The following CNTN5 variants were observed in gnomAD, a reference collection of about 807,000 sequenced individuals.
CNTN5 encodes the protein contactin 5, also known as contactin-5.
CNTN5 carries 77 observed loss-of-function variants against 129.1 expected under a neutral mutation model. That is an observed-to-expected ratio of 0.60 (90% CI 0.50 to 0.72). CNTN5 has a LOEUF of 0.72. Ranked by LOEUF, CNTN5 falls within the 30% of genes least tolerant of loss-of-function variation. The probability of loss-of-function intolerance (pLI) is 0.00; values close to 1 mark genes in which losing one functional copy is unlikely to be tolerated. For missense variants in CNTN5, 1,478 were observed against 1,328.8 expected, an observed-to-expected ratio of 1.11 and a Z score of -1.75; for synonymous variants, 509 against 465.6, an observed-to-expected ratio of 1.09 and a Z score of -1.20.
rs575028848 is a variant in CNTN5 at position 100,114,802 on chromosome 11, T to A, written c.1580+40508T>A. On this transcript the variant is annotated intron_variant, in intron 13 of 24. Coordinates refer to ENST00000524871, the MANE Select transcript of CNTN5 (RefSeq NM_014361.4). ...ATTCATTCATTCAACAAATAGATAA[T>A]GAGCACTTGCTGTGTACCAGTCACT... Among the ~76,000 whole-genome samples, 47 of 152,280 alleles carry A rather than the reference T, an allele frequency of 3.1e-4. No homozygotes were observed. In the South Asian group the frequency reaches 9.1e-3, roughly 30 times the overall value.
At chr11:99,613,720 T>C (rs2135738629) in intron 3 of CNTN5, among the ~76,000 whole-genome samples, 1 of 152,336 alleles carries the variant, frequency 6.6e-6, no homozygotes, top group South Asian at 2.1e-4. Flanking sequence ...AAAATAATGA[T>C]TCACCATTTT....
intron 3 of CNTN5, among the ~76,000 whole-genome samples, chr11:99,795,228 G>A (rs894779643): frequency 2.6e-5 from 4 of 152,166 alleles, no homozygotes; most frequent in African/African-American, 7.2e-5. Context: ...TAACACTTGT[G>A]ATTGTATTAT....
intron 9 of CNTN5, among the ~76,000 whole-genome samples, chr11:100,009,150 C>T (rs1228901279): frequency 6.6e-6 from 1 of 152,182 alleles, no homozygotes; most frequent in East Asian, 1.9e-4. Context: ...TACTAAAAAG[C>T]CATAAGCTGC....
chr11:100,039,328 C>G (rs924955737), intron 9 of CNTN5, among the ~76,000 whole-genome samples: 29 of 152,202 alleles, frequency 1.9e-4, no homozygotes, highest in Non-Finnish European at 1.5e-4. Context: ...GAGTTTCTGC[C>G]CAGAGATCAG....
At chr11:99,809,477 C>T (rs984772644) in intron 3 of CNTN5, among the ~76,000 whole-genome samples, 2 of 151,918 alleles carry the variant, frequency 1.3e-5, no homozygotes, top group East Asian at 1.9e-4. Flanking sequence ...AATTTTAAAT[C>T]CTATATTGCA....
At position 99,835,208 on chromosome 11, in the gene CNTN5, A is replaced by T. The variant is rs369821138; in HGVS notation, c.278-9644A>T. Reference sequence around the variant, plus strand: ...GATGCAGAAACTGATGATGACGCATATGTTCAAAAAGGGTATGAAGAGATT... The same window carrying T: ...GATGCAGAAACTGATGATGACGCATTTGTTCAAAAAGGGTATGAAGAGATT... On this transcript the variant is annotated intron_variant, in intron 4 of 24. Transcript: ENST00000524871. 9.2e-5 allele frequency among the ~76,000 whole-genome samples: 14 copies of T among 152,342 alleles called. 1 individual carries two copies. In the South Asian group the frequency reaches 2.9e-3, roughly 32 times the overall value.
At chr11:99,789,899 G>T (rs142615192) in intron 3 of CNTN5, among the ~76,000 whole-genome samples, 1 of 152,096 alleles carries the variant, frequency 6.6e-6, no homozygotes, top group Non-Finnish European at 1.5e-5. Context: ...CTACCCAATA[G>T]CTAGTTTTTC....
intron 2 of CNTN5, among the ~76,000 whole-genome samples, chr11:99,501,922 T>C (rs1946440844): frequency 6.6e-6 from 1 of 152,190 alleles, no homozygotes; most frequent in Non-Finnish European, 1.5e-5. Context: ...TTTTCCATCT[T>C]TTATTAGCGT....
At chr11:99,356,305 A>G (rs1468280088) in intron 2 of CNTN5, among the ~76,000 whole-genome samples, 2 of 152,180 alleles carry the variant, frequency 1.3e-5, no homozygotes, top group Non-Finnish European at 2.9e-5. Flanking sequence ...CAAACTAATC[A>G]TAAGAGTCAC....
At chr11:100,244,864 T>G (rs1026117594) in intron 16 of CNTN5, among the ~76,000 whole-genome samples, 3 of 152,194 alleles carry the variant, frequency 2.0e-5, no homozygotes, top group African/African-American at 7.2e-5. Flanking sequence ...TTGTCACTTT[T>G]AAATTCTAAT....
intron 6 of CNTN5, among the ~76,000 whole-genome samples, chr11:99,895,633 G>T (rs1040778051): frequency 1.3e-5 from 2 of 152,252 alleles, no homozygotes; most frequent in East Asian, 3.9e-4. Context: ...AGCTCCCTAA[G>T]TTGGGAAAGT....
intron 3 of CNTN5, among the ~76,000 whole-genome samples, chr11:99,793,152 C>T (rs554269815): frequency 1.2e-4 from 18 of 152,114 alleles, no homozygotes; most frequent in African/African-American, 4.1e-4. Flanking sequence ...CTCTTCCTCC[C>T]AGGTTCACGC....
At chr11:99,816,416 C>T (rs550823969) in intron 3 of CNTN5, among the ~76,000 whole-genome samples, 6 of 152,250 alleles carry the variant, frequency 3.9e-5, no homozygotes, top group Middle Eastern at 3.4e-3. Flanking sequence ...CATGAATGTC[C>T]TGGAGGCACC....
At chr11:99,201,240 G>T (rs1029137604) in intron 1 of CNTN5, among the ~76,000 whole-genome samples, 9 of 151,302 alleles carry the variant, frequency 5.9e-5, no homozygotes, top group Non-Finnish European at 1.2e-4. Context: ...TGGCCAGGCT[G>T]GTCTCAAGCT....
chr11:100,162,619 C>T (rs984439614), intron 13 of CNTN5, among the ~76,000 whole-genome samples: 1 of 151,714 alleles, frequency 6.6e-6, no homozygotes, highest in Admixed American at 6.6e-5. Context: ...AACTCATTCA[C>T]ACAACTAGAT....
intron 3 of CNTN5, among the ~76,000 whole-genome samples, chr11:99,638,725 A>G (rs528090134): frequency 9.1e-4 from 139 of 152,258 alleles, no homozygotes; most frequent in Middle Eastern, 3.4e-3. Context: ...CTTTGACTCC[A>G]TATCTCATAC....
chr11:99,559,327 G>T (rs1310102055), intron 3 of CNTN5, among the ~76,000 whole-genome samples: 1 of 151,978 alleles, frequency 6.6e-6, no homozygotes, highest in Non-Finnish European at 1.5e-5. Context: ...TATTTATTCA[G>T]TTTTTGAAAA....
intron 1 of CNTN5, among the ~76,000 whole-genome samples, chr11:99,179,228 G>C (rs1591318619): frequency 6.6e-6 from 1 of 152,116 alleles, no homozygotes. Context: ...GATCACTTGA[G>C]GTCAGGACTT....
chr11:100,309,503 T>C, intron 21 of CNTN5: 2 of 970,992 alleles, frequency 2.1e-6, no homozygotes, highest in Non-Finnish European at 1.2e-6. Flanking sequence ...CATGGACTTA[T>C]TTCTACAATC....
Sources: allele counts gnomAD v4.1 joint callset (sites outside exome capture counted in the v4.1 genomes callset), GRCh38; gene constraint gnomAD v4.1.1; transcripts MANE v1.5; gene names NCBI Gene and HGNC (gene_info 2026-07-23, HGNC 2026-07-21).